Variants in ATF6 observed in about 807,000 individuals in gnomAD.
ATF6 encodes the protein cyclic AMP-dependent transcription factor ATF-6 alpha.
A neutral mutation model predicts 83.6 loss-of-function variants in ATF6; 53 were observed. The observed-to-expected ratio is 0.63, with a 90% CI of 0.51 to 0.80. The LOEUF (loss-of-function observed/expected upper bound fraction) is 0.80, where lower values mean the gene tolerates loss of function less well. ATF6 is among the 30% of genes least tolerant of loss of function. ATF6 has a pLI of 0.00. For synonymous variants in ATF6, 288 were observed against 285.8 expected (o/e 1.01, Z -0.08); for missense variants, 744 against 797.9 (o/e 0.93, Z 0.81).
At chr1:161,852,287 G>C (rs1050426089) in intron 11 of ATF6, among the ~76,000 whole-genome samples, 1 of 151,888 alleles carries the variant, frequency 6.6e-6, no homozygotes, top group Non-Finnish European at 1.5e-5. Flanking sequence ...AACTACCTCA[G>C]ATTTTTTGTG....
At chr1:161,906,443 C>G (rs924545677) in intron 14 of ATF6, among the ~76,000 whole-genome samples, 4 of 152,248 alleles carry the variant, frequency 2.6e-5, no homozygotes, top group Admixed American at 6.5e-5. Flanking sequence ...TGATATTTGA[C>G]TCACCAAAAT....
chr1:161,955,246 A>G (rs1327156026), intron 15 of ATF6, among the ~76,000 whole-genome samples: 1 of 152,092 alleles, frequency 6.6e-6, no homozygotes, highest in Non-Finnish European at 1.5e-5. Context: ...TTTCCTTCCT[A>G]TCTAAGCCAG....
At chr1:161,805,529 A>C (rs983053165) in intron 7 of ATF6, among the ~76,000 whole-genome samples, 3 of 151,856 alleles carry the variant, frequency 2.0e-5, no homozygotes, top group African/African-American at 7.2e-5. Context: ...TTTCAAGTAA[A>C]GAAGCATTAG....
intron 14 of ATF6, among the ~76,000 whole-genome samples, chr1:161,868,134 G>C (rs1435611567): frequency 6.6e-6 from 1 of 152,136 alleles, no homozygotes; most frequent in Non-Finnish European, 1.5e-5. Context: ...TTTCTGATTT[G>C]ACAGCAGCTC....
At chr1:161,858,523 A>C (rs1686813629) in intron 12 of ATF6, among the ~76,000 whole-genome samples, 1 of 152,190 alleles carries the variant, frequency 6.6e-6, no homozygotes. Context: ...TTATTCTAAG[A>C]GACAACAAAA....
At chr1:161,851,254 ACAC>A (rs1686618745) in intron 10 of ATF6, among the ~76,000 whole-genome samples, 4 of 147,726 alleles carry the variant, frequency 2.7e-5, no homozygotes, top group Non-Finnish European at 4.5e-5. Context: ...ACACACACAC[ACAC>A]ACACACACAC....
intron 4 of ATF6, among the ~76,000 whole-genome samples, chr1:161,785,405 A>G (rs1322515472): frequency 6.6e-6 from 1 of 152,220 alleles, no homozygotes; most frequent in Non-Finnish European, 1.5e-5. Flanking sequence ...TTAAAAAATT[A>G]ATAATTACAA....
chr1:161,902,504 T>G (rs1488533928), intron 14 of ATF6, among the ~76,000 whole-genome samples: 5 of 152,226 alleles, frequency 3.3e-5, no homozygotes, highest in Admixed American at 3.3e-4. Context: ...TACTAAGGCC[T>G]AGCAGTTTGG....
chr1:161,767,756 C>T (rs1287019172), intron 1 of ATF6, among the ~76,000 whole-genome samples: 1 of 152,176 alleles, frequency 6.6e-6, no homozygotes, highest in East Asian at 1.9e-4. Flanking sequence ...TTTTATTCTT[C>T]CTAAGATCCC....
intron 15 of ATF6, among the ~76,000 whole-genome samples, chr1:161,912,611 A>G (rs980771332): frequency 6.6e-6 from 1 of 152,174 alleles, no homozygotes; most frequent in African/African-American, 2.4e-5. Flanking sequence ...AAAATTGGAA[A>G]AGCTAGCATC....
intron 14 of ATF6, among the ~76,000 whole-genome samples, chr1:161,903,891 C>T (rs1687837014): frequency 6.6e-6 from 1 of 152,190 alleles, no homozygotes; most frequent in South Asian, 2.1e-4. Context: ...GCATCAGAAT[C>T]ACCAGGGATA....
At chr1:161,824,032 T>G (rs1685824078) in intron 9 of ATF6, among the ~76,000 whole-genome samples, 1 of 152,212 alleles carries the variant, frequency 6.6e-6, no homozygotes, top group Non-Finnish European at 1.5e-5. Flanking sequence ...GTGATAGAGT[T>G]TGCCAAATTG....
intron 15 of ATF6, among the ~76,000 whole-genome samples, chr1:161,952,147 A>G (rs1162595252): frequency 6.6e-6 from 1 of 152,056 alleles, no homozygotes; most frequent in Non-Finnish European, 1.5e-5. Context: ...CCCAAGAGTA[A>G]TACCCTATGG....
At chr1:161,897,327 A>G in intron 14 of ATF6, among the ~76,000 whole-genome samples, 1 of 151,914 alleles carries the variant, frequency 6.6e-6, no homozygotes, top group East Asian at 1.9e-4. Flanking sequence ...CCAGCTACTC[A>G]CAGGCTGAGG....
At chr1:161,860,924 G>A (rs1686873137) in intron 13 of ATF6, among the ~76,000 whole-genome samples, 1 of 152,150 alleles carries the variant, frequency 6.6e-6, no homozygotes, top group South Asian at 2.1e-4. Context: ...AAGCAATATG[G>A]TGTCATGGTT....
At chr1:161,835,941 T>C (rs1185618276) in intron 9 of ATF6, among the ~76,000 whole-genome samples, 1 of 152,214 alleles carries the variant, frequency 6.6e-6, no homozygotes, top group African/African-American at 2.4e-5. Flanking sequence ...TTGACAGTGC[T>C]TTTACCCTGT....
At position 161,784,030 on chromosome 1, in the gene ATF6, C is replaced by T. The variant is rs764975359; in HGVS notation, c.288C>T (p.Ala96=). The T allele has an allele frequency of 6.2e-7, 1 of 1,613,770 alleles. No homozygotes were observed. Among genetic ancestry groups the T allele is most frequent in the Non-Finnish European group, 8.5e-7 (1 of 1,179,790 alleles). ...IKAEPQPLSP[A]SSSYSVSSPR... is the part of the protein sequence containing the mutation. ...CAGAACCTCAGCCACTTTCTCCAGCCTCCTCAAGTTATTCAGTCTCGTCTC... is the reference window on the plus strand; with the variant it reads ...CAGAACCTCAGCCACTTTCTCCAGCTTCCTCAAGTTATTCAGTCTCGTCTC... Residue 96 remains alanine (A), a synonymous_variant, in exon 4 of 16, where the codon GCC becomes GCT. Coordinates refer to ENST00000367942, the MANE Select transcript of ATF6 (RefSeq NM_007348.4).
chr1:161,848,538 G>A (rs1686535972), intron 10 of ATF6, among the ~76,000 whole-genome samples: 1 of 151,860 alleles, frequency 6.6e-6, no homozygotes, highest in South Asian at 2.1e-4. Flanking sequence ...AGAAATGTGT[G>A]GCATATAAAT....
At chr1:161,871,253 T>C (rs985797750) in intron 14 of ATF6, among the ~76,000 whole-genome samples, 1 of 151,718 alleles carries the variant, frequency 6.6e-6, no homozygotes, top group Non-Finnish European at 1.5e-5. Context: ...TTTAAGAATA[T>C]ATAGTCAGCT....
Sources: gnomAD v4.1 joint callset for allele counts (sites outside exome capture counted in the v4.1 genomes callset) on GRCh38, gnomAD v4.1.1 for gene constraint, MANE v1.5 for transcripts, NCBI Gene and HGNC (gene_info 2026-07-23, HGNC 2026-07-21) for gene names.